The following PDGFRL variants were observed in gnomAD, a reference collection of about 807,000 sequenced individuals.
PDGFRL encodes the protein platelet derived growth factor receptor like.
Under a neutral mutation model 37.2 loss-of-function variants are expected in PDGFRL, and 46 were observed. The observed-to-expected ratio is 1.24, with a 90% CI of 0.98 to 1.58. PDGFRL has a LOEUF of 1.58. Ranked by LOEUF, PDGFRL falls within the 40% of genes most tolerant of loss-of-function variation. PDGFRL has a pLI of 0.00. For missense variants in PDGFRL, 692 were observed against 467.6 expected (o/e 1.48, Z -4.43); for synonymous variants, 251 against 184.3 (o/e 1.36, Z -2.93).
chr8:17,608,588 T>G (rs943734963), intron 2 of PDGFRL, among the ~76,000 whole-genome samples: 4 of 152,190 alleles, frequency 2.6e-5, no homozygotes, highest in African/African-American at 9.7e-5. Context: ...TCAGTGTTGG[T>G]CTGCTGAGGA....
chr8:17,640,019 A>C (rs1805058266), intron 5 of PDGFRL, among the ~76,000 whole-genome samples: 1 of 152,186 alleles, frequency 6.6e-6, no homozygotes. Context: ...TTAATCCAAA[A>C]ATCTGATGTT....
intron 5 of PDGFRL, among the ~76,000 whole-genome samples, chr8:17,641,516 C>T (rs553666280): frequency 3.9e-5 from 6 of 152,326 alleles, no homozygotes; most frequent in African/African-American, 1.4e-4. Context: ...GTTCTCTATA[C>T]AAGCTGTGCC....
intron 2 of PDGFRL, among the ~76,000 whole-genome samples, chr8:17,590,236 CAAAAAA>C (rs770779669): frequency 2.8e-5 from 1 of 35,606 alleles, no homozygotes; most frequent in Non-Finnish European, 6.3e-5. Flanking sequence ...GACTCCATCT[CAAAAAA>C]AAAAAAAAAA....
rs993198756 is a variant in PDGFRL at position 17,621,166 on chromosome 8, G to T, written c.469G>T (p.Glu157Ter). The change falls in exon 3 of 6, where the codon GAG (glutamate) becomes TAG (stop). Residue 157 changes from glutamate to a stop codon, truncating the protein, a stop_gained. Coordinates refer to ENST00000251630, the MANE Select transcript of PDGFRL (RefSeq NM_001372073.1). LOFTEE classifies it high-confidence loss of function. ...CAGCGGCTACATCTGCAGGAAGGAC[G>T]AGGCCAAAACGGGCTCCACCTACAT... ...LCSGYICRKD[E>*]AKTGSTYIFF... is the part of the protein sequence containing the mutation. The T allele has an allele frequency of 1.2e-6, 2 of 1,610,912 alleles. No individual in the cohort carries two copies. Among genetic ancestry groups the T allele is most frequent in the Admixed American group, 1.7e-5 (1 of 59,808 alleles).
At chr8:17,607,367 C>T (rs1293066788) in intron 2 of PDGFRL, among the ~76,000 whole-genome samples, 1 of 152,100 alleles carries the variant, frequency 6.6e-6, no homozygotes, top group African/African-American at 2.4e-5. Flanking sequence ...CTAACTCTTA[C>T]TTAAAAATAA....
chr8:17,599,770 T>A (rs1804128627), intron 2 of PDGFRL, among the ~76,000 whole-genome samples: 1 of 152,192 alleles, frequency 6.6e-6, no homozygotes, highest in African/African-American at 2.4e-5. Flanking sequence ...ATTAAGAAAT[T>A]GGAGCTCTAA....
intron 4 of PDGFRL, among the ~76,000 whole-genome samples, chr8:17,631,728 C>G (rs1804865279): frequency 6.6e-6 from 1 of 152,204 alleles, no homozygotes; most frequent in African/African-American, 2.4e-5. Flanking sequence ...TCCCTGTCCT[C>G]CTGGATTCCA....
At chr8:17,609,655 AAAAAAAAAAAT>A (rs1480418252) in intron 2 of PDGFRL, among the ~76,000 whole-genome samples, 2 of 102,602 alleles carry the variant, frequency 1.9e-5, no homozygotes, top group African/African-American at 6.8e-5. Flanking sequence ...AAAAAAAAAA[AAAAAAAAAAAT>A]AAGAGCCAAA....
At chr8:17,598,941 G>T (rs1804109346) in intron 2 of PDGFRL, among the ~76,000 whole-genome samples, 1 of 152,146 alleles carries the variant, frequency 6.6e-6, no homozygotes, top group Non-Finnish European at 1.5e-5. Flanking sequence ...GACCTCCCCA[G>T]CCACGTGGAA....
intron 3 of PDGFRL, among the ~76,000 whole-genome samples, chr8:17,622,589 T>G (rs1244248977): frequency 1.3e-5 from 2 of 152,352 alleles, no homozygotes; most frequent in East Asian, 3.9e-4. Context: ...TGTATCTCAT[T>G]TTGATGCAGA....
chr8:17,625,878 C>A (rs535568568), intron 3 of PDGFRL, among the ~76,000 whole-genome samples: 3 of 151,998 alleles, frequency 2.0e-5, no homozygotes, highest in Admixed American at 2.0e-4. Flanking sequence ...GCCTGTAGTC[C>A]CAGCTACTCA....
At chr8:17,577,139 C>A, upstream of PDGFRL, 10 of 1,476,208 alleles carry the variant, frequency 6.8e-6, no homozygotes, top group Non-Finnish European at 9.1e-6. Flanking sequence ...CCTGAAGAAA[C>A]CGAATCCTCC....
At chr8:17,603,810 C>T (rs927151242) in intron 2 of PDGFRL, among the ~76,000 whole-genome samples, 14 of 151,944 alleles carry the variant, frequency 9.2e-5, no homozygotes, top group South Asian at 4.2e-4. Context: ...CCTTGCTAAC[C>T]GAAGTATGCT....
At chr8:17,635,719 T>C (rs938046147) in intron 5 of PDGFRL, among the ~76,000 whole-genome samples, 1 of 152,226 alleles carries the variant, frequency 6.6e-6, no homozygotes. Flanking sequence ...ATAGTGGTTG[T>C]ACTAGTTTAC....
intron 2 of PDGFRL, among the ~76,000 whole-genome samples, chr8:17,616,753 A>G (rs951809321): frequency 2.6e-5 from 4 of 152,080 alleles, no homozygotes; most frequent in Non-Finnish European, 5.9e-5. Context: ...GGACTTCTCT[A>G]GACATCATTG....
intron 2 of PDGFRL, among the ~76,000 whole-genome samples, chr8:17,594,293 T>C (rs1258280068): frequency 6.6e-6 from 1 of 151,990 alleles, no homozygotes; most frequent in African/African-American, 2.4e-5. Flanking sequence ...CAGGCTGGAG[T>C]GCAGTGGGGG....
At chr8:17,600,744 A>T (rs1398807268) in intron 2 of PDGFRL, among the ~76,000 whole-genome samples, 1 of 151,680 alleles carries the variant, frequency 6.6e-6, no homozygotes, top group Non-Finnish European at 1.5e-5. Flanking sequence ...TTGAGGCTGT[A>T]GTGAACTATG....
intron 5 of PDGFRL, among the ~76,000 whole-genome samples, chr8:17,636,956 A>G (rs573603288): frequency 3.9e-5 from 6 of 152,304 alleles, no homozygotes; most frequent in Non-Finnish European, 8.8e-5. Flanking sequence ...ATTTGTTTAC[A>G]TTAATTTTGT....
At chr8:17,621,559 C>A (rs1192047478) in intron 3 of PDGFRL, among the ~76,000 whole-genome samples, 1 of 152,132 alleles carries the variant, frequency 6.6e-6, no homozygotes, top group Non-Finnish European at 1.5e-5. Flanking sequence ...GACCACTAAA[C>A]ATGTGTGGCT....
Sources: gnomAD v4.1 joint callset for allele counts (sites outside exome capture counted in the v4.1 genomes callset) on GRCh38, gnomAD v4.1.1 for gene constraint, MANE v1.5 for transcripts, NCBI Gene and HGNC (gene_info 2026-07-23, HGNC 2026-07-21) for gene names.